The following NT5DC1 variants were observed in gnomAD, a reference collection of about 807,000 sequenced individuals.
NT5DC1 encodes 5'-nucleotidase domain containing 1.
NT5DC1 carries 42 observed loss-of-function variants against 59.4 expected under a neutral mutation model. The observed-to-expected ratio is 0.71, with a 90% CI of 0.55 to 0.92. NT5DC1 has a LOEUF of 0.92. Ranked by LOEUF, NT5DC1 falls within the 40% of genes least tolerant of loss-of-function variation. The pLI, the probability that NT5DC1 is intolerant of heterozygous loss-of-function variation, is 0.00. For missense variants in NT5DC1, 501 were observed against 537.1 expected, an observed-to-expected ratio of 0.93 and a Z score of 0.66; for synonymous variants, 172 against 188.1, an observed-to-expected ratio of 0.91 and a Z score of 0.70.
chr6:116,216,938 T>C (rs951143559), intron 6 of NT5DC1, among the ~76,000 whole-genome samples: 5 of 152,152 alleles, frequency 3.3e-5, no homozygotes, highest in Non-Finnish European at 5.9e-5. Context: ...TTAAATCTCT[T>C]CTAAATTATA....
At chr6:116,220,946 A>G in intron 6 of NT5DC1, 108 bp from the exon 7 acceptor site, 2 of 617,582 alleles carry the variant, frequency 3.2e-6, no homozygotes, top group African/African-American at 1.8e-5. Context: ...CCTTGTTCTT[A>G]TCCTTTTAGT....
At chr6:116,173,076 A>G (rs972305245) in intron 6 of NT5DC1, among the ~76,000 whole-genome samples, 1 of 152,208 alleles carries the variant, frequency 6.6e-6, no homozygotes, top group Admixed American at 6.5e-5. Flanking sequence ...ATGTTCTTCT[A>G]TAACTTTTAA....
chr6:116,100,905 C>T lies in NT5DC1; in HGVS notation c.-26C>T, dbSNP rs893678607. ...CTCCTTGCACCCTTCGCGGCCGAGG[C>T]GCTCCCTGGTGCTCCCCGCGCAGCC... On this transcript the variant is annotated 5_prime_UTR_variant, in exon 1 of 12. Coordinates refer to ENST00000319550, the MANE Select transcript of NT5DC1 (RefSeq NM_152729.3). The T allele has an allele frequency of 2.0e-5, 31 of 1,572,936 alleles. No homozygotes were observed. The highest frequency in any genetic ancestry group is 2.7e-5 in the Non-Finnish European group (31 of 1,158,202).
At chr6:116,196,263 T>C (rs1278282626) in intron 6 of NT5DC1, among the ~76,000 whole-genome samples, 2 of 152,070 alleles carry the variant, frequency 1.3e-5, no homozygotes, top group East Asian at 3.9e-4. Context: ...AGATTAGTTA[T>C]ATTTTCCATA....
intron 6 of NT5DC1, among the ~76,000 whole-genome samples, chr6:116,144,202 A>G (rs1412098019): frequency 6.6e-6 from 1 of 151,918 alleles, no homozygotes; most frequent in Non-Finnish European, 1.5e-5. Context: ...TTCTTCTTAC[A>G]ACATTAAAGT....
chr6:116,158,879 T>G (rs1328476949), intron 6 of NT5DC1: 1 of 152,232 alleles, frequency 6.6e-6, no homozygotes, highest in Non-Finnish European at 1.5e-5. Flanking sequence ...AGAATATCTG[T>G]TGTTTTCCAG....
At chr6:116,128,241 T>C (rs1779374385) in intron 6 of NT5DC1, among the ~76,000 whole-genome samples, 1 of 152,204 alleles carries the variant, frequency 6.6e-6, no homozygotes. Flanking sequence ...AGTGTACTTA[T>C]TTCAGCACAA....
At chr6:116,153,483 G>A (rs546086875) in intron 6 of NT5DC1, among the ~76,000 whole-genome samples, 4 of 152,104 alleles carry the variant, frequency 2.6e-5, no homozygotes, top group African/African-American at 9.6e-5. Context: ...AAGATAATAT[G>A]CCATTTATTC....
At chr6:116,114,536 AG>A (rs1229150345) in intron 4 of NT5DC1, among the ~76,000 whole-genome samples, 262 of 20,268 alleles carry the variant, frequency 0.013, 4 homozygotes, top group Middle Eastern at 0.071. Flanking sequence ...AATTGGGGGG[AG>A]GGGGGGGGAG....
intron 6 of NT5DC1, among the ~76,000 whole-genome samples, chr6:116,128,526 A>C (rs1053617819): frequency 6.6e-6 from 1 of 152,120 alleles, no homozygotes; most frequent in African/African-American, 2.4e-5. Flanking sequence ...TTTTTTTCAC[A>C]TCTGGCAGTT....
At chr6:116,231,147 A>ACCC (rs899675633) in intron 8 of NT5DC1, among the ~76,000 whole-genome samples, 5 of 56,092 alleles carry the variant, frequency 8.9e-5, no homozygotes, top group Admixed American at 1.9e-4. Flanking sequence ...TGAATGGTAA[A>ACCC]TCCCCCCCCC....
chr6:116,206,739 A>T (rs567075933), intron 6 of NT5DC1, among the ~76,000 whole-genome samples: 14 of 152,020 alleles, frequency 9.2e-5, no homozygotes, highest in African/African-American at 3.4e-4. Context: ...TTTTAAATGG[A>T]TTTTATATCT....
chr6:116,210,615 A>G (rs1439543760), intron 6 of NT5DC1, among the ~76,000 whole-genome samples: 2 of 151,994 alleles, frequency 1.3e-5, no homozygotes, highest in African/African-American at 2.4e-5. Flanking sequence ...AAATCCATTA[A>G]TAGTTATAAA....
At chr6:116,211,950 G>T (rs892216829) in intron 6 of NT5DC1, among the ~76,000 whole-genome samples, 1 of 151,938 alleles carries the variant, frequency 6.6e-6, no homozygotes, top group East Asian at 1.9e-4. Context: ...TTTCATTCAC[G>T]CAGTGAGGCC....
rs61173324 is a variant in NT5DC1 at position 116,155,093 on chromosome 6, C to T, written c.529+37148C>T. 5.1e-3 allele frequency among the ~76,000 whole-genome samples: 771 copies of T among 152,154 alleles called. 7 individuals carry two copies. The highest frequency in any genetic ancestry group is 0.018 in the African/African-American group (750 of 41,500). The stretch of plus-strand genomic sequence containing the variant: ...TATTAGGCTGGTGCAAAAGTAATTG[C>T]GGTTTTTGCCATTACTTTCAATGGC... On this transcript the variant is annotated intron_variant, in intron 6 of 11. Transcript: ENST00000319550.
At chr6:116,172,063 A>G (rs764587548) in intron 6 of NT5DC1, among the ~76,000 whole-genome samples, 1 of 152,302 alleles carries the variant, frequency 6.6e-6, no homozygotes, top group Middle Eastern at 3.4e-3. Context: ...CCATCCACAC[A>G]TCTATGGTTT....
At chr6:116,120,593 C>T (rs1462567472) in intron 6 of NT5DC1, 1 of 1,585,924 alleles carries the variant, frequency 6.3e-7, no homozygotes, top group Non-Finnish European at 8.6e-7. Flanking sequence ...CCCAGGGGGC[C>T]CTGGAAGACC....
chr6:116,166,858 G>C (rs1780480935), intron 6 of NT5DC1, among the ~76,000 whole-genome samples: 1 of 152,128 alleles, frequency 6.6e-6, no homozygotes, highest in African/African-American at 2.4e-5. Context: ...ATTCTGAAAT[G>C]TCTGGAATCT....
intron 6 of NT5DC1, among the ~76,000 whole-genome samples, chr6:116,139,841 C>T (rs1437147005): frequency 6.6e-6 from 1 of 152,028 alleles, no homozygotes; most frequent in East Asian, 1.9e-4. Flanking sequence ...GTCTTTGAGA[C>T]CTAGTACAGC....
Sources: allele counts gnomAD v4.1 joint callset (sites outside exome capture counted in the v4.1 genomes callset), GRCh38; gene constraint gnomAD v4.1.1; transcripts MANE v1.5; gene names NCBI Gene and HGNC (gene_info 2026-07-23, HGNC 2026-07-21).